Variants in DIDO1 observed in about 807,000 individuals in gnomAD.
DIDO1 encodes the protein death-inducer obliterator 1.
In DIDO1, 16 loss-of-function variants were observed where a neutral mutation model predicts 99.4. That is an observed-to-expected ratio of 0.16 (90% CI 0.11 to 0.24). The LOEUF is 0.24. DIDO1 is among the 10% of genes least tolerant of loss of function. The pLI, the probability that DIDO1 is intolerant of heterozygous loss-of-function variation, is 1.00. For missense variants in DIDO1, 2,996 were observed against 3,014.0 expected (o/e 0.99, Z 0.14); for synonymous variants, 1,366 against 1,239.1 (o/e 1.10, Z -2.15).
chr20:62,929,801 G>A (rs6010789), upstream of DIDO1, among the ~76,000 whole-genome samples: 87,537 of 142,854 alleles, frequency 0.61, 28,844 homozygotes, highest in African/African-American at 0.87. Context: ...TTACTTTTAC[G>A]TTGTATAAGG....
At chr20:62,887,671 T>C in intron 15 of DIDO1, 1 of 985,322 alleles carries the variant, frequency 1.0e-6, no homozygotes, top group Non-Finnish European at 1.2e-6. Flanking sequence ...TTGGCTGCGG[T>C]CCAGTCCTGT....
chr20:62,879,779 G>A lies in DIDO1; in HGVS notation c.6177C>T (p.Pro2059=), dbSNP rs756826654. The A allele has an allele frequency of 1.9e-6, 3 of 1,611,402 alleles. No individual in the cohort carries two copies. The highest frequency in any genetic ancestry group is 1.1e-5 in the South Asian group (1 of 91,080). ...CCGATGCCCACTGTCCGTCGGCCTC[G>A]GGGCCCTGTCCGGGCGCACTGGAGG... ...ALSSSAPGQG[P]EADGQWASAD... Residue 2059 remains proline, a synonymous_variant, in exon 16 of 16, where the codon CCC becomes CCT. Coordinates refer to ENST00000395343, the MANE Select transcript of DIDO1 (RefSeq NM_001193369.2). This position sits in a 1 kb window ranked among gnomAD's most constrained non-coding sequence, Gnocchi z 6.3.
intron 1 of DIDO1, among the ~76,000 whole-genome samples, chr20:62,932,084 G>A (rs2065337371): frequency 6.6e-6 from 1 of 152,214 alleles, no homozygotes; most frequent in African/African-American, 2.4e-5. Context: ...TTGTTGACCT[G>A]GCTGGTCTCA....
chr20:62,888,229 T>C lies in DIDO1; in HGVS notation c.3541+2731A>G, dbSNP rs2064328113. 5 of 985,504 alleles carry C rather than the reference T, an allele frequency of 5.1e-6. No individual in the cohort carries two copies. The South Asian group carries it at 1.9e-4, about 37-fold the overall frequency. 61.0% of individuals were successfully genotyped at this position (985,504 alleles called of 1,614,324 possible). A position where few individuals can be genotyped will look rare whatever the true frequency, so the allele number is the denominator to read the frequency against. ...ACTAGGTCCCCATGTGTGGGAGGCA[T>C]GGACACCTGCAATTGTGTGGTATAA... is the stretch of plus-strand genomic sequence containing the variant. On this transcript the variant is annotated intron_variant, in intron 15 of 15. Coordinates refer to ENST00000395343, the MANE Select transcript of DIDO1 (RefSeq NM_001193369.2).
chr20:62,937,188 A>T (rs1246410659), intron 1 of DIDO1, among the ~76,000 whole-genome samples: 1 of 152,254 alleles, frequency 6.6e-6, no homozygotes, highest in Non-Finnish European at 1.5e-5. Context: ...AGATGAAATC[A>T]GGAGCTGCCC....
chr20:62,890,830 G>A (rs2064381065), intron 15 of DIDO1, 130 bp downstream of exon 15: 14 of 1,562,000 alleles, frequency 9.0e-6, no homozygotes, highest in East Asian at 4.6e-5. Context: ...ATTGCTAACC[G>A]CTGCGTCTGT....
Position 62,880,864 on chromosome 20 carries a change from C to G in DIDO1, c.5092G>C (p.Ala1698Pro). Residue 1698 changes from alanine to proline, a missense_variant, in exon 16 of 16, where the codon GCC becomes CCC. Transcript: ENST00000395343. ...AGATTTCTTGGGTCCTCATACTGGG[C>G]TGAGCCGAGAGCCTTGTCCTGCGAC... Reference protein sequence around the residue: ...FASQDKALGSAQYEDPRNLHS... With the variant: ...FASQDKALGSPQYEDPRNLHS... The G allele has an allele frequency of 6.2e-7, 1 of 1,612,686 alleles. No individual in the cohort carries two copies. Among genetic ancestry groups the G allele is most frequent in the South Asian group, 1.1e-5 (1 of 91,080 alleles).
At position 62,892,542 on chromosome 20, in the gene DIDO1, T is replaced by C. The variant is rs116742115; in HGVS notation, c.3255+267A>G. On this transcript the variant is annotated intron_variant, in intron 13 of 15. Coordinates refer to ENST00000395343, the MANE Select transcript of DIDO1 (RefSeq NM_001193369.2). ...GCTGTGCGCACAGCCATGTGGTCAGTGCCCCAGCGAAACCGATCACTGAGA... is the reference window on the plus strand; with the variant it reads ...GCTGTGCGCACAGCCATGTGGTCAGCGCCCCAGCGAAACCGATCACTGAGA... 7.3e-3 allele frequency among the ~76,000 whole-genome samples: 1,106 copies of C among 152,276 alleles called. 11 individuals are homozygous for C. Among genetic ancestry groups the C allele is most frequent in the African/African-American group, 0.025 (1,043 of 41,550 alleles).
At chr20:62,927,004 G>A (rs373918308), upstream of DIDO1, among the ~76,000 whole-genome samples, 1 of 152,220 alleles carries the variant, frequency 6.6e-6, no homozygotes, top group Admixed American at 6.5e-5. Context: ...GGCTGGGAAT[G>A]GCAGCGAGGG....
chr20:62,917,763 A>C (rs1331743114), intron 1 of DIDO1, among the ~76,000 whole-genome samples: 1 of 152,254 alleles, frequency 6.6e-6, no homozygotes, highest in Non-Finnish European at 1.5e-5. Context: ...AAATTGGCAT[A>C]TTCTAAACAT....
chr20:62,880,554 C>T lies in DIDO1; in HGVS notation c.5402G>A (p.Gly1801Glu). The T allele has an allele frequency of 2.5e-6, 4 of 1,613,032 alleles. No individual in the cohort carries two copies. Among genetic ancestry groups the T allele is most frequent in the Non-Finnish European group, 3.4e-6 (4 of 1,180,010 alleles). Residue 1801 changes from glycine (G) to glutamate (E), a missense_variant, in exon 16 of 16, where the codon GGA (glycine) becomes GAA (glutamate). Gly to Glu is a moderately conservative substitution (Grantham distance 98). Around this residue, in one of 5 missense-constraint regions of DIDO1, gnomAD observed 1,562 missense variants for 1,412.6 expected, o/e 1.11. Transcript: ENST00000395343. ...GGAAGGGATGGGCCCCTTCTGGGCT[C>T]CGAATCTGGCTGGCGGAGGCCCTCG... is the stretch of plus-strand genomic sequence containing the variant. The part of the protein sequence containing the change: ...GPRGPPPARF[G>E]AQKGPIPSLF...
chr20:62,888,005 C>T, intron 15 of DIDO1: 2 of 985,480 alleles, frequency 2.0e-6, no homozygotes, highest in Non-Finnish European at 2.4e-6. Flanking sequence ...GATCCAGCTA[C>T]TGCTGTGAAC....
chr20:62,907,440 T>C, intron 4 of DIDO1, 81 bp from the exon 5 acceptor site: 1 of 1,351,666 alleles, frequency 7.4e-7, no homozygotes, highest in Non-Finnish European at 1.0e-6. Context: ...AAATCACCAT[T>C]TATAGTACCA....
At chr20:62,890,802 C>T (rs2064380225) in intron 15 of DIDO1, 158 bp downstream of exon 15, 2 of 1,494,886 alleles carry the variant, frequency 1.3e-6, no homozygotes, top group Admixed American at 2.4e-5. Context: ...CAGTCCTACG[C>T]CCTCAAAGAT....
upstream of DIDO1, among the ~76,000 whole-genome samples, chr20:62,927,800 G>A (rs529434097): frequency 6.6e-6 from 1 of 152,336 alleles, no homozygotes; most frequent in Admixed American, 6.5e-5. Flanking sequence ...GGAATACAAC[G>A]CAGCTTGTTT....
intron 6 of DIDO1, among the ~76,000 whole-genome samples, chr20:62,903,433 A>G (rs1600973044): frequency 1.3e-5 from 2 of 152,220 alleles, no homozygotes; most frequent in Admixed American, 1.3e-4. Flanking sequence ...CATGGGACAG[A>G]CCCACACCAG....
intron 4 of DIDO1, among the ~76,000 whole-genome samples, chr20:62,908,756 G>T (rs1197542246): frequency 6.6e-6 from 1 of 152,202 alleles, no homozygotes; most frequent in Non-Finnish European, 1.5e-5. Context: ...CTACTTGGGA[G>T]GCTAAGGTGG....
chr20:62,910,546 A>C (rs1210230690), intron 3 of DIDO1, among the ~76,000 whole-genome samples: 1 of 151,846 alleles, frequency 6.6e-6, no homozygotes, highest in Non-Finnish European at 1.5e-5. Flanking sequence ...GGCGCTATTC[A>C]CCTCCTCACT....
Position 62,879,771 on chromosome 20 carries a change from T to A in DIDO1, c.6185A>T (p.Asp2062Val). The A allele has an allele frequency of 6.2e-7, 1 of 1,611,616 alleles. No homozygotes were observed. The highest frequency in any genetic ancestry group is 8.5e-7 in the Non-Finnish European group (1 of 1,179,790). The change falls in exon 16 of 16, where the codon GAC (aspartate) becomes GTC (valine). Residue 2062 changes from aspartate (D) to valine (V), a missense_variant. Asp to Val is a radical substitution (Grantham distance 152, BLOSUM62 -3). This residue lies in a region of DIDO1 where 1,562 missense variants were observed against 1,412.6 expected (regional missense o/e 1.11). Coordinates refer to ENST00000395343, the MANE Select transcript of DIDO1 (RefSeq NM_001193369.2). This position sits in a 1 kb window ranked among gnomAD's most constrained non-coding sequence, Gnocchi z 6.3. ...SSAPGQGPEA[D>V]GQWASADFRE... ...GAAGTCGGCCGATGCCCACTGTCCG[T>A]CGGCCTCGGGGCCCTGTCCGGGCGC...
Sources: gnomAD v4.1 joint callset for allele counts (sites outside exome capture counted in the v4.1 genomes callset) on GRCh38, gnomAD v4.1.1 for gene constraint, gnomAD v4.1.1 regional missense constraint, Gnocchi (gnomAD v3.1) non-coding constraint, MANE v1.5 for transcripts, NCBI Gene and HGNC (gene_info 2026-07-23, HGNC 2026-07-21) for gene names.